HIVEP1: variants seen among roughly 807,000 people sequenced by gnomAD.
HIVEP1 encodes HIVEP zinc finger 1.
A neutral mutation model predicts 180.0 loss-of-function variants in HIVEP1; 36 were observed. That is an observed-to-expected ratio of 0.20 (90% confidence interval 0.15 to 0.26). The LOEUF (loss-of-function observed/expected upper bound fraction) is 0.26, where lower values mean the gene tolerates loss of function less well. HIVEP1 is among the 10% of genes least tolerant of loss of function. The pLI, the probability that HIVEP1 is intolerant of heterozygous loss-of-function variation, is 1.00. For missense variants in HIVEP1, 3,143 were observed against 3,268.7 expected (o/e 0.96, Z 0.94); for synonymous variants, 1,239 against 1,239.0 (o/e 1.00, Z 0.00).
intron 3 of HIVEP1, among the ~76,000 whole-genome samples, chr6:12,109,835 G>T (rs187708448): frequency 8.7e-4 from 132 of 152,322 alleles, no homozygotes; most frequent in African/African-American, 2.8e-3. Context: ...CTTTCAATTT[G>T]CTTTGCCCAG....
the HIVEP1 span, among the ~76,000 whole-genome samples, chr6:12,195,663 T>TACA: frequency 3.1e-3 from 473 of 152,112 alleles, 5 homozygotes; most frequent in African/African-American, 0.011. Context: ...GCATACAGAA[T>TACA]TTAACTACTG....
In HIVEP1 at chr6:12,065,695, G is replaced by C. The variant is rs1044373099; in HGVS notation, c.41-23489G>C. ...TGTGTGTGTGTGTGTGTGTGTGCGTGTGTGTGTGTGTGTGTGTGCATTGAA... is the reference window on the plus strand; with the variant it reads ...TGTGTGTGTGTGTGTGTGTGTGCGTCTGTGTGTGTGTGTGTGTGCATTGAA... On this transcript the variant is annotated intron_variant, in intron 2 of 8. Coordinates refer to ENST00000379388, the MANE Select transcript of HIVEP1 (RefSeq NM_002114.4). Among the ~76,000 whole-genome samples the C allele has an allele frequency of 1.2e-3, 70 of 57,812 alleles. 1 individual carries two copies. Among genetic ancestry groups the C allele is most frequent in the African/African-American group, 4.2e-3 (65 of 15,432 alleles). The allele number at this position is 57,812 out of a possible 152,430, so 37.9% of individuals were successfully genotyped here. A position where few individuals can be genotyped will look rare whatever the true frequency, so the allele number is the denominator to read the frequency against.
chr6:12,120,970 ATCT>A lies in HIVEP1; in HGVS notation c.1182_1184del (p.Leu395del), dbSNP rs775187664. On this transcript the variant is annotated inframe_deletion, in exon 4 of 9. Coordinates refer to ENST00000379388, the MANE Select transcript of HIVEP1 (RefSeq NM_002114.4). ...AATCAAAGCGTAGAGCAAATGTGCA[ATCT>A]TCTTCTGAAAGATCAGAAGCCAAAA... 12 of 1,614,058 alleles carry A rather than the reference ATCT, an allele frequency of 7.4e-6. No individual in the cohort carries two copies. The East Asian group carries it at 1.8e-4, about 24-fold the overall frequency.
chr6:12,139,178 C>T (rs1581765660), intron 7 of HIVEP1, among the ~76,000 whole-genome samples: 1 of 152,072 alleles, frequency 6.6e-6, no homozygotes, highest in African/African-American at 2.4e-5. Context: ...ACTGGTCAGG[C>T]ACCCACCAGG....
At chr6:12,051,650 C>A (rs1770549266) in intron 2 of HIVEP1, among the ~76,000 whole-genome samples, 1 of 151,696 alleles carries the variant, frequency 6.6e-6, no homozygotes, top group South Asian at 2.1e-4. Context: ...TGTTAACATG[C>A]AGTCTAACCA....
intron 2 of HIVEP1, among the ~76,000 whole-genome samples, chr6:12,086,850 C>T (rs1773153636): frequency 6.6e-6 from 1 of 152,042 alleles, no homozygotes; most frequent in African/African-American, 2.4e-5. Context: ...CTTTACATAT[C>T]AGTAAACTGT....
intron 2 of HIVEP1, among the ~76,000 whole-genome samples, chr6:12,033,030 C>T (rs1418685564): frequency 6.6e-6 from 1 of 152,208 alleles, no homozygotes; most frequent in Non-Finnish European, 1.5e-5. Flanking sequence ...TAGACGGTCC[C>T]TGACTTAACC....
chr6:12,081,134 T>C (rs1233236472), intron 2 of HIVEP1, among the ~76,000 whole-genome samples: 1 of 152,186 alleles, frequency 6.6e-6, no homozygotes, highest in Non-Finnish European at 1.5e-5. Flanking sequence ...CTGAATTTTC[T>C]GTCTTTCCTC....
intron 7 of HIVEP1, among the ~76,000 whole-genome samples, chr6:12,138,706 C>G (rs764686751): frequency 1.3e-5 from 2 of 152,114 alleles, no homozygotes; most frequent in Non-Finnish European, 2.9e-5. Context: ...TGCCCCAGTT[C>G]ATTCCACATG....
chr6:12,123,436 C>T lies in HIVEP1; in HGVS notation c.3641C>T (p.Pro1214Leu). 4 of 1,614,172 alleles carry T rather than the reference C, an allele frequency of 2.5e-6. No individual in the cohort carries two copies. The highest frequency in any genetic ancestry group is 3.4e-6 in the Non-Finnish European group (4 of 1,180,046). The change falls in exon 4 of 9, where the codon CCA becomes CTA. Residue 1214 changes from proline (P) to leucine (L), a missense_variant. By Grantham distance (98) the Pro-to-Leu change is moderately conservative (BLOSUM62 -3). This residue lies in a region of HIVEP1 where 1,357 missense variants were observed against 1,260.5 expected (regional missense o/e 1.08). Transcript: ENST00000379388. ...CTTCAGGAAAGCTCCAGAAAGAGTC[C>T]AAGTGAACGACATGTGTTAGGACAG... Reference protein sequence around the residue: ...GELQESSRKSPSERHVLGQPS... With the variant: ...GELQESSRKSLSERHVLGQPS...
chr6:12,078,529 A>C (rs1160506186), intron 2 of HIVEP1, among the ~76,000 whole-genome samples: 2 of 151,854 alleles, frequency 1.3e-5, no homozygotes, highest in African/African-American at 4.8e-5. Context: ...AGGCAGTCAG[A>C]GTTCACTACA....
chr6:12,174,544 G>C, the HIVEP1 span, among the ~76,000 whole-genome samples: 1 of 152,000 alleles, frequency 6.6e-6, no homozygotes, highest in East Asian at 1.9e-4. Context: ...GGGACCCCAG[G>C]GACCAATCCT....
chr6:12,116,081 C>T (rs1459672522), intron 3 of HIVEP1, among the ~76,000 whole-genome samples: 2 of 152,030 alleles, frequency 1.3e-5, no homozygotes, highest in Non-Finnish European at 2.9e-5. Flanking sequence ...TGCTTTGAAG[C>T]ACTATGGTCT....
downstream of HIVEP1, among the ~76,000 whole-genome samples, chr6:12,167,703 A>G (rs1354800896): frequency 4.2e-5 from 3 of 71,330 alleles, no homozygotes; most frequent in South Asian, 4.5e-4. Context: ...ATACATATAT[A>G]CATATATGCA....
chr6:12,195,713 C>T, the HIVEP1 span, among the ~76,000 whole-genome samples: 1 of 152,124 alleles, frequency 6.6e-6, no homozygotes, highest in African/African-American at 2.4e-5. Context: ...TCTGAACCAA[C>T]CTGTGTACGA....
intron 3 of HIVEP1, among the ~76,000 whole-genome samples, chr6:12,104,465 G>T (rs1238834693): frequency 9.6e-6 from 1 of 104,134 alleles, no homozygotes; most frequent in Non-Finnish European, 1.7e-5. Context: ...ACAGGGTCTT[G>T]CTCAGTCATC....
At position 12,125,390 on chromosome 6, in the gene HIVEP1, A is replaced by G; in HGVS notation, c.5595A>G (p.Thr1865=). The part of the protein sequence containing the change: ...LQEFENIKSS[T]SLTLTVRSSP... Reference sequence around the variant, plus strand: ...AATTTGAAAACATCAAGTCATCCACATCATTAACTCTTACAGTTCGAAGTT... The same window carrying G: ...AATTTGAAAACATCAAGTCATCCACGTCATTAACTCTTACAGTTCGAAGTT... Residue 1865 remains threonine, a synonymous_variant, in exon 4 of 9, where the codon ACA becomes ACG. Transcript: ENST00000379388. 1.9e-6 allele frequency: 3 copies of G among 1,614,074 alleles called. No homozygotes were observed. Among genetic ancestry groups the G allele is most frequent in the Non-Finnish European group, 2.5e-6 (3 of 1,179,940 alleles).
intron 3 of HIVEP1, among the ~76,000 whole-genome samples, chr6:12,108,290 G>A (rs547099777): frequency 3.7e-4 from 57 of 152,152 alleles, no homozygotes; most frequent in Admixed American, 5.9e-4. Flanking sequence ...AAGATTCTCC[G>A]CGTCCCCACC....
chr6:12,043,689 G>T (rs960600062), intron 2 of HIVEP1, among the ~76,000 whole-genome samples: 1 of 152,068 alleles, frequency 6.6e-6, no homozygotes, highest in Non-Finnish European at 1.5e-5. Context: ...TTTTAAGAAG[G>T]TTCATGATTT....
Sources: allele counts gnomAD v4.1 joint callset (sites outside exome capture counted in the v4.1 genomes callset), GRCh38; gene constraint gnomAD v4.1.1; regional missense constraint gnomAD v4.1.1; transcripts MANE v1.5; gene names NCBI Gene and HGNC (gene_info 2026-07-23, HGNC 2026-07-21).